Variants in FAM114A2 observed in about 807,000 individuals in gnomAD.
The protein encoded by FAM114A2 is family with sequence similarity 114 member A2, also known as protein FAM114A2.
FAM114A2 carries 53 observed loss-of-function variants against 58.4 expected under a neutral mutation model. The observed-to-expected ratio is 0.91, with a 90% CI of 0.73 to 1.14. The LOEUF is 1.14. Among genes scored for constraint, FAM114A2 ranks in the 50% most tolerant of loss-of-function variants. The pLI, the probability that FAM114A2 is intolerant of heterozygous loss-of-function variation, is 0.00. For synonymous variants in FAM114A2, 228 were observed against 211.4 expected, an observed-to-expected ratio of 1.08 and a Z score of -0.68; for missense variants, 601 against 581.1, an observed-to-expected ratio of 1.03 and a Z score of -0.35.
At chr5:153,995,775 C>A (rs1043828909) in intron 12 of FAM114A2, among the ~76,000 whole-genome samples, 1 of 152,172 alleles carries the variant, frequency 6.6e-6, no homozygotes, top group Non-Finnish European at 1.5e-5. Flanking sequence ...ATAGCTCACA[C>A]ATCTTCATAA....
At chr5:154,006,696 A>G (rs1412593077) in intron 9 of FAM114A2, among the ~76,000 whole-genome samples, 1 of 152,220 alleles carries the variant, frequency 6.6e-6, no homozygotes, top group Non-Finnish European at 1.5e-5. Context: ...GAGTAAAAAA[A>G]TGAAGGATTA....
chr5:153,991,589 A>G lies in FAM114A2; in HGVS notation c.*1387T>C, dbSNP rs903633849. On this transcript the variant is annotated 3_prime_UTR_variant, in exon 14 of 14. Transcript: ENST00000351797. Reference sequence around the variant, plus strand: ...TAGTGCTGTTGGTATACCTTTTTAAACCAAATTTATTTCTCTTCCTTGCTT... The same window carrying G: ...TAGTGCTGTTGGTATACCTTTTTAAGCCAAATTTATTTCTCTTCCTTGCTT... 61 of 152,234 alleles carry G rather than the reference A, an allele frequency of 4.0e-4. 1 individual carries two copies. Among genetic ancestry groups the G allele is most frequent in the African/African-American group, 1.4e-3 (60 of 41,540 alleles). 9.4% of individuals were successfully genotyped at this position (152,234 alleles called of 1,614,324 possible).
chr5:154,017,279 C>T (rs937349179), intron 8 of FAM114A2, among the ~76,000 whole-genome samples: 3 of 152,248 alleles, frequency 2.0e-5, no homozygotes, highest in South Asian at 2.1e-4. Context: ...CCCGTCTCTA[C>T]TAAAAATACA....
At chr5:154,006,167 A>G (rs749271292) in intron 9 of FAM114A2, among the ~76,000 whole-genome samples, 12 of 152,240 alleles carry the variant, frequency 7.9e-5, no homozygotes, top group Non-Finnish European at 1.6e-4. Flanking sequence ...GATATCTAGC[A>G]AGACCAAAAT....
intron 8 of FAM114A2, among the ~76,000 whole-genome samples, chr5:154,022,828 C>G (rs1771511316): frequency 6.6e-6 from 1 of 152,184 alleles, no homozygotes; most frequent in South Asian, 2.1e-4. Context: ...TATGAGGACA[C>G]ATGCACACAT....
chr5:154,003,458 C>T (rs988613511), intron 9 of FAM114A2, among the ~76,000 whole-genome samples: 1 of 152,148 alleles, frequency 6.6e-6, no homozygotes, highest in African/African-American at 2.4e-5. Context: ...GGATTACAGG[C>T]ATGAGCCACT....
At chr5:154,028,388 C>G in intron 5 of FAM114A2, 105 bp from the exon 6 acceptor site, 1 of 739,574 alleles carries the variant, frequency 1.4e-6, no homozygotes, top group Non-Finnish European at 2.1e-6. Flanking sequence ...CAATACCAAG[C>G]ACTGGCAAGA....
chr5:154,025,318 C>T (rs1011970788), intron 8 of FAM114A2, among the ~76,000 whole-genome samples: 6 of 151,554 alleles, frequency 4.0e-5, no homozygotes, highest in African/African-American at 1.2e-4. Context: ...CAATGCATGG[C>T]AATGAAAATG....
intron 12 of FAM114A2, among the ~76,000 whole-genome samples, chr5:153,995,485 T>C (rs1002828545): frequency 1.4e-4 from 21 of 152,146 alleles, no homozygotes; most frequent in African/African-American, 5.1e-4. Context: ...AAGAAAATAC[T>C]ACAGGGAAAA....
At chr5:154,011,797 T>A (rs557157731) in intron 8 of FAM114A2, among the ~76,000 whole-genome samples, 2 of 152,030 alleles carry the variant, frequency 1.3e-5, no homozygotes, top group African/African-American at 4.8e-5. Context: ...GCCAGGAGAA[T>A]AGGAAGAGTT....
chr5:154,017,736 T>A (rs917213274), intron 8 of FAM114A2, among the ~76,000 whole-genome samples: 2 of 152,166 alleles, frequency 1.3e-5, no homozygotes, highest in Non-Finnish European at 2.9e-5. Context: ...AATTATATCA[T>A]GCACTCTCTC....
At chr5:154,003,976 G>C (rs558677903) in intron 9 of FAM114A2, among the ~76,000 whole-genome samples, 13 of 152,214 alleles carry the variant, frequency 8.5e-5, no homozygotes, top group African/African-American at 2.7e-4. Context: ...ATACCATTGT[G>C]TTGCAACTGC....
intron 8 of FAM114A2, among the ~76,000 whole-genome samples, chr5:154,018,431 C>CA (rs567545717): frequency 2.0e-5 from 3 of 151,324 alleles, no homozygotes; most frequent in South Asian, 2.1e-4. Flanking sequence ...AAATTACCAA[C>CA]AAAAAAAAGT....
At chr5:154,031,306 CCT>C (rs1772175631) in intron 4 of FAM114A2, among the ~76,000 whole-genome samples, 1 of 5,058 alleles carries the variant, frequency 2.0e-4, no homozygotes, top group Non-Finnish European at 3.3e-4. Flanking sequence ...AGTGAGACTC[CCT>C]CTCCAAAAAA....
At chr5:153,993,247 G>C in intron 13 of FAM114A2, 137 bp from the exon 14 acceptor site, 1 of 613,550 alleles carries the variant, frequency 1.6e-6, no homozygotes, top group South Asian at 3.0e-5. Context: ...GCAGTGACTT[G>C]GCCATTTTGG....
intron 3 of FAM114A2, 28 bp downstream of exon 3, chr5:154,034,250 A>C (rs1181459746): frequency 7.3e-7 from 1 of 1,367,488 alleles, no homozygotes; most frequent in Admixed American, 2.2e-5. Flanking sequence ...TACACACACA[A>C]AAATAACTAA....
At chr5:154,014,665 C>G (rs1272305266) in intron 8 of FAM114A2, among the ~76,000 whole-genome samples, 5 of 152,094 alleles carry the variant, frequency 3.3e-5, no homozygotes, top group African/African-American at 7.2e-5. Context: ...CTCGCTGGGT[C>G]CCCTAGCAAG....
intron 8 of FAM114A2, chr5:154,026,171 T>TG: frequency 3.6e-6 from 1 of 275,852 alleles, no homozygotes; most frequent in African/African-American, 2.2e-5. Context: ...ACAAAGGGTT[T>TG]GGTTGGAAGG....
chr5:154,017,679 C>T (rs899593206), intron 8 of FAM114A2, among the ~76,000 whole-genome samples: 3 of 152,044 alleles, frequency 2.0e-5, no homozygotes, highest in East Asian at 1.9e-4. Context: ...CCAAGACAGA[C>T]CATATGATAG....
Sources: gnomAD v4.1 joint callset for allele counts (sites outside exome capture counted in the v4.1 genomes callset) on GRCh38, gnomAD v4.1.1 for gene constraint, MANE v1.5 for transcripts, NCBI Gene and HGNC (gene_info 2026-07-23, HGNC 2026-07-21) for gene names.